RBFOX1: variants seen among roughly 807,000 people sequenced by gnomAD.
RBFOX1 encodes the protein RNA binding fox-1 homolog 1.
A neutral mutation model predicts 57.7 loss-of-function variants in RBFOX1; 8 were observed. The ratio of observed to expected loss-of-function variants is 0.14; its 90% confidence interval spans 0.08 to 0.25. RBFOX1 has a LOEUF of 0.25. Ranked by LOEUF, RBFOX1 falls within the 10% of genes least tolerant of loss-of-function variation. RBFOX1 has a pLI of 1.00. For missense variants in RBFOX1, 611 were observed against 548.5 expected, an observed-to-expected ratio of 1.11 and a Z score of -1.14; for synonymous variants, 326 against 222.4, an observed-to-expected ratio of 1.47 and a Z score of -4.15.
chr16:7,126,599 C>T (rs945864193), intron 4 of RBFOX1: 1 of 179,742 alleles, frequency 5.6e-6, no homozygotes, highest in South Asian at 1.2e-4. Flanking sequence ...GTGGCTGCAG[C>T]CCTTTTTGGC....
chr16:6,958,125 T>C (rs550019531), intron 3 of RBFOX1, among the ~76,000 whole-genome samples: 1 of 152,222 alleles, frequency 6.6e-6, no homozygotes, highest in South Asian at 2.1e-4. Flanking sequence ...TGACCGGATT[T>C]TGCACGTTTT....
At chr16:5,354,055 A>C (rs1298846197) in intron 1 of RBFOX1, among the ~76,000 whole-genome samples, 1 of 129,868 alleles carries the variant, frequency 7.7e-6, no homozygotes, top group African/African-American at 2.6e-5. Context: ...CCTTTCCAGA[A>C]AGGCTGCTGG....
At chr16:5,882,554 C>T (rs985342521) in intron 4 of RBFOX1, among the ~76,000 whole-genome samples, 2 of 152,130 alleles carry the variant, frequency 1.3e-5, no homozygotes, top group African/African-American at 4.8e-5. Flanking sequence ...AGGCACTGAG[C>T]AGAGACCTGG....
At chr16:6,861,439 A>G (rs1195657724) in intron 3 of RBFOX1, among the ~76,000 whole-genome samples, 1 of 151,902 alleles carries the variant, frequency 6.6e-6, no homozygotes, top group Non-Finnish European at 1.5e-5. Flanking sequence ...TGCTAATTGC[A>G]AGGCCTGACT....
intron 2 of RBFOX1, among the ~76,000 whole-genome samples, chr16:6,613,731 G>A (rs147578889): frequency 2.4e-4 from 37 of 152,310 alleles, no homozygotes; most frequent in African/African-American, 7.5e-4. Flanking sequence ...GAGGCCAAGC[G>A]TTTGAGACCG....
chr16:6,182,494 G>A (rs867308464), intron 1 of RBFOX1, among the ~76,000 whole-genome samples: 5 of 152,068 alleles, frequency 3.3e-5, no homozygotes, highest in East Asian at 1.9e-4. Context: ...TTGCCAACAC[G>A]CACATAGTCT....
chr16:6,469,752 A>T (rs2095132404), intron 2 of RBFOX1, among the ~76,000 whole-genome samples: 1 of 152,204 alleles, frequency 6.6e-6, no homozygotes, highest in African/African-American at 2.4e-5. Context: ...CGGAACTTTG[A>T]GCTTCCTGCA....
At chr16:5,847,319 G>A (rs1049985618) in intron 3 of RBFOX1, among the ~76,000 whole-genome samples, 8 of 147,634 alleles carry the variant, frequency 5.4e-5, no homozygotes, top group Non-Finnish European at 1.0e-4. Flanking sequence ...CCTTGGGCAA[G>A]CCATAAGAAC....
intron 4 of RBFOX1, among the ~76,000 whole-genome samples, chr16:7,406,759 C>G (rs1416235790): frequency 1.3e-5 from 2 of 152,142 alleles, no homozygotes; most frequent in African/African-American, 4.8e-5. Flanking sequence ...TCTTAGCGTT[C>G]CAGAGGCAAA....
intron 3 of RBFOX1, among the ~76,000 whole-genome samples, chr16:6,801,487 T>A (rs897252284): frequency 6.6e-6 from 1 of 152,148 alleles, no homozygotes; most frequent in Non-Finnish European, 1.5e-5. Flanking sequence ...TGAGCCAGTT[T>A]ATAGTGACTC....
intron 4 of RBFOX1, among the ~76,000 whole-genome samples, chr16:7,055,221 A>G (rs1392142527): frequency 2.0e-5 from 3 of 152,150 alleles, no homozygotes; most frequent in Non-Finnish European, 4.4e-5. Context: ...ATAATATACA[A>G]CGTTTTTCTA....
chr16:5,497,638 A>AAAAAAAAAAAAAAAAAAAACT (rs71142625), intron 2 of RBFOX1, among the ~76,000 whole-genome samples: 1 of 139,402 alleles, frequency 7.2e-6, no homozygotes, highest in Non-Finnish European at 1.5e-5. Context: ...AAAAAAAAAA[A>AAAAAAAAAAAAAAAAAAAACT]GCTGGGCATG....
intron 3 of RBFOX1, among the ~76,000 whole-genome samples, chr16:6,908,544 C>G (rs575678852): frequency 8.0e-4 from 122 of 152,328 alleles, no homozygotes; most frequent in African/African-American, 2.8e-3. Context: ...ACCTCCCAAA[C>G]TACTTTTCAG....
At chr16:7,055,245 C>A (rs189850571) in intron 4 of RBFOX1, among the ~76,000 whole-genome samples, 1 of 152,036 alleles carries the variant, frequency 6.6e-6, no homozygotes, top group Non-Finnish European at 1.5e-5. Flanking sequence ...CAGCTGACTA[C>A]GCAACACTTT....
chr16:6,625,750 C>A (rs1222591319), intron 2 of RBFOX1, among the ~76,000 whole-genome samples: 1 of 152,050 alleles, frequency 6.6e-6, no homozygotes. Flanking sequence ...ATCCAGTGAG[C>A]CTCATTACAT....
chr16:6,654,197 A>G (rs1295394735), intron 2 of RBFOX1, among the ~76,000 whole-genome samples: 1 of 152,128 alleles, frequency 6.6e-6, no homozygotes, highest in Non-Finnish European at 1.5e-5. Flanking sequence ...TAAAAAATAG[A>G]TCCTGATAAT....
chr16:6,524,943 C>T (rs188671540), intron 2 of RBFOX1, among the ~76,000 whole-genome samples: 127 of 152,262 alleles, frequency 8.3e-4, no homozygotes, highest in Non-Finnish European at 1.3e-4. Flanking sequence ...CTAATTATAT[C>T]GGCAAGGACC....
chr16:6,946,087 T>C (rs2079458178), intron 3 of RBFOX1, among the ~76,000 whole-genome samples: 2 of 152,220 alleles, frequency 1.3e-5, no homozygotes, highest in African/African-American at 2.4e-5. Context: ...CAACCTTCAA[T>C]GGGTAACTCA....
chr16:6,023,820 T>A (rs1442590230), intron 1 of RBFOX1, among the ~76,000 whole-genome samples: 1 of 152,174 alleles, frequency 6.6e-6, no homozygotes, highest in African/African-American at 2.4e-5. Flanking sequence ...GAGGCGACGT[T>A]TTTAAAGAAG....
Sources: gnomAD v4.1 joint callset for allele counts (sites outside exome capture counted in the v4.1 genomes callset) on GRCh38, gnomAD v4.1.1 for gene constraint, MANE v1.5 for transcripts, NCBI Gene and HGNC (gene_info 2026-07-23, HGNC 2026-07-21) for gene names.